Variants in NCOA2 observed in about 807,000 individuals in gnomAD.
NCOA2 encodes the protein nuclear receptor coactivator 2.
NCOA2 carries 21 observed loss-of-function variants against 145.1 expected under a neutral mutation model. That is an observed-to-expected ratio of 0.14 (90% CI 0.10 to 0.21). The LOEUF (loss-of-function observed/expected upper bound fraction) is 0.21, where lower values mean the gene tolerates loss of function less well. Among genes scored for constraint, NCOA2 ranks in the 10% least tolerant of loss-of-function variants. The probability of loss-of-function intolerance (pLI) is 1.00; values close to 1 mark genes in which losing one functional copy is unlikely to be tolerated. For synonymous variants in NCOA2, 619 were observed against 637.5 expected, an observed-to-expected ratio of 0.97 and a Z score of 0.44; for missense variants, 1,472 against 1,837.6, an observed-to-expected ratio of 0.80 and a Z score of 3.64.
intron 1 of NCOA2, among the ~76,000 whole-genome samples, chr8:70,399,517 C>T (rs998981514): frequency 2.6e-5 from 4 of 152,288 alleles, no homozygotes; most frequent in East Asian, 1.9e-4. Context: ...AGACCAATAC[C>T]TTAAAGCAGT....
chr8:70,369,801 T>C (rs1399933021), intron 1 of NCOA2, among the ~76,000 whole-genome samples: 1 of 152,160 alleles, frequency 6.6e-6, no homozygotes. Context: ...CCCAGGCACA[T>C]TATACCTTCT....
At chr8:70,269,389 G>A (rs985414704) in intron 2 of NCOA2, among the ~76,000 whole-genome samples, 2 of 151,950 alleles carry the variant, frequency 1.3e-5, no homozygotes, top group African/African-American at 4.8e-5. Context: ...AGAGTTCAGG[G>A]GTTCAAATCT....
chr8:70,270,770 C>T, intron 2 of NCOA2, among the ~76,000 whole-genome samples: 1 of 152,304 alleles, frequency 6.6e-6, no homozygotes. Context: ...AAAGAAACTT[C>T]CATTTACTTT....
At chr8:70,362,013 T>C (rs896789212) in intron 1 of NCOA2, among the ~76,000 whole-genome samples, 9 of 152,200 alleles carry the variant, frequency 5.9e-5, no homozygotes, top group Non-Finnish European at 1.0e-4. Context: ...AAACAAGCAG[T>C]CCTTTACAAT....
At chr8:70,403,333 C>G (rs951450052) in intron 1 of NCOA2, among the ~76,000 whole-genome samples, 2 of 151,296 alleles carry the variant, frequency 1.3e-5, no homozygotes, top group African/African-American at 4.8e-5. Flanking sequence ...TCGGCGCTCA[C>G]CTCTCGCCCG....
At position 70,148,206 on chromosome 8, in the gene NCOA2, T is replaced by A; in HGVS notation, c.2605+67A>T. ...CTAAGCTGGTTGCATCAGACTTCAA[T>A]AATCCCTGTTTCTGATAGTGATTAT... On this transcript the variant is annotated intron_variant, in intron 12 of 22. Transcript: ENST00000452400. 2 of 1,498,192 alleles carry A rather than the reference T, an allele frequency of 1.3e-6. 1 individual carries two copies. Among genetic ancestry groups the A allele is most frequent in the African/African-American group, 2.8e-5 (2 of 72,582 alleles). The allele number at this position is 1,498,192 out of a possible 1,614,324, so 92.8% of individuals were successfully genotyped here. A position where few individuals can be genotyped will look rare whatever the true frequency, so the allele number is the denominator to read the frequency against.
intron 22 of NCOA2, 36 bp downstream of exon 22, chr8:70,121,266 A>C: frequency 2.0e-6 from 3 of 1,531,076 alleles, no homozygotes; most frequent in Non-Finnish European, 2.7e-6. Context: ...TGTTTGCTTT[A>C]CTTCCATATT....
At chr8:70,345,552 A>C (rs544676055) in intron 1 of NCOA2, among the ~76,000 whole-genome samples, 143 of 152,326 alleles carry the variant, frequency 9.4e-4, no homozygotes, top group African/African-American at 3.1e-3. Context: ...AAAATGATGA[A>C]TCATTCATAA....
At chr8:70,403,847 CCCTCCT>C (rs528610374), upstream of NCOA2, 268 of 376,470 alleles carry the variant, frequency 7.1e-4, 1 homozygote, top group East Asian at 1.9e-3. Context: ...TCCCCCAACT[CCCTCCT>C]CCTCCTCCTC....
At chr8:70,178,550 G>A (rs1041990988) in intron 4 of NCOA2, among the ~76,000 whole-genome samples, 15 of 152,194 alleles carry the variant, frequency 9.9e-5, no homozygotes, top group Non-Finnish European at 4.4e-5. Context: ...CTATGTCTGT[G>A]TGTCTGGTCT....
chr8:70,423,461 C>T, the NCOA2 span, among the ~76,000 whole-genome samples: 16 of 152,132 alleles, frequency 1.1e-4, no homozygotes, highest in African/African-American at 3.9e-4. Context: ...GGGATTGAGC[C>T]ACCGCGCCTG....
In NCOA2 at chr8:70,201,729, ACTT is replaced by A. The variant is rs1355123257; in HGVS notation, c.259+12171_259+12173del. Among the ~76,000 whole-genome samples the A allele has an allele frequency of 3.3e-5, 5 of 152,336 alleles. No individual in the cohort carries two copies. In the South Asian group the frequency reaches 6.2e-4, roughly 19 times the overall value. ...CTACAGATAGAAGGACAGCCATTAC[ACTT>A]CTTCTTTCCCTGTAACCTGTATAGG... is the stretch of plus-strand genomic sequence containing the variant. On this transcript the variant is annotated intron_variant, in intron 4 of 22. Transcript: ENST00000452400.
chr8:70,199,608 A>G (rs1345991010), intron 4 of NCOA2, among the ~76,000 whole-genome samples: 3 of 152,198 alleles, frequency 2.0e-5, no homozygotes, highest in Non-Finnish European at 2.9e-5. Context: ...GCCAGAGTTT[A>G]GCTGCTGAAC....
At chr8:70,218,819 A>G (rs1432437845) in intron 2 of NCOA2, among the ~76,000 whole-genome samples, 6 of 152,230 alleles carry the variant, frequency 3.9e-5, no homozygotes, top group Non-Finnish European at 8.8e-5. Context: ...TCATTACAAT[A>G]TAGCCTTCAA....
At chr8:70,375,097 G>C (rs1387967335) in intron 1 of NCOA2, among the ~76,000 whole-genome samples, 5 of 152,090 alleles carry the variant, frequency 3.3e-5, no homozygotes, top group Admixed American at 2.6e-4. Context: ...CATCGGGGGA[G>C]AGTGATTATT....
At chr8:70,315,634 G>A (rs1490838814) in intron 1 of NCOA2, among the ~76,000 whole-genome samples, 1 of 151,954 alleles carries the variant, frequency 6.6e-6, no homozygotes, top group Admixed American at 6.6e-5. Context: ...GTTAACAAAG[G>A]GAAAAGGAAT....
rs1228295763 is a variant in NCOA2 at position 70,156,891 on chromosome 8, T to C, written c.1474A>G (p.Met492Val). The C allele has an allele frequency of 1.9e-6, 3 of 1,614,004 alleles. No individual in the cohort carries two copies. The South Asian group carries it at 3.3e-5, about 18-fold the overall frequency. ...GGGCTGCCAGCCACTCCAGGGCTCA[T>C]GCGATGCCTTGGTGAAAGCATGGAG... is the stretch of plus-strand genomic sequence containing the variant. ...PTSMLSPRHR[M>V]SPGVAGSPRI... The change falls in exon 11 of 23, where the codon ATG (methionine) becomes GTG (valine). Residue 492 changes from methionine (M) to valine (V), a missense_variant. Met to Val is a conservative substitution (Grantham distance 21). Around this residue, in one of 4 missense-constraint regions of NCOA2, gnomAD observed 953 missense variants for 1,062.1 expected, o/e 0.90. Coordinates refer to ENST00000452400, the MANE Select transcript of NCOA2 (RefSeq NM_006540.4).
At chr8:70,417,790 A>G in the NCOA2 span, among the ~76,000 whole-genome samples, 1 of 152,138 alleles carries the variant, frequency 6.6e-6, no homozygotes, top group East Asian at 1.9e-4. Context: ...GAGACATCCT[A>G]ATAGATCTTC....
rs376018531 is a variant in NCOA2 at position 70,128,768 on chromosome 8, C to T, written c.3537G>A (p.Thr1179=). The change falls in exon 17 of 23, where the codon ACG becomes ACA. Residue 1179 remains threonine, a synonymous_variant. Coordinates refer to ENST00000452400, the MANE Select transcript of NCOA2 (RefSeq NM_006540.4). The part of the protein sequence containing the change: ...RMQPRPGLRP[T]GLVQNQPNQL... ...GATTTGGCTGGTTCTGCACTAGGCC[C>T]GTGGGCCTGAGGCCCGGTCTGGGCT... 381 of 1,614,020 alleles carry T rather than the reference C, an allele frequency of 2.4e-4. 3 individuals are homozygous for T. The Middle Eastern group carries it at 2.6e-3, about 11-fold the overall frequency.
Sources: allele counts gnomAD v4.1 joint callset (sites outside exome capture counted in the v4.1 genomes callset), GRCh38; gene constraint gnomAD v4.1.1; regional missense constraint gnomAD v4.1.1; transcripts MANE v1.5; gene names NCBI Gene and HGNC (gene_info 2026-07-23, HGNC 2026-07-21).